ZNF804A: variants seen among roughly 807,000 people sequenced by gnomAD.
The protein encoded by ZNF804A is zinc finger protein 804A.
Under a neutral mutation model 16.5 loss-of-function variants are expected in ZNF804A, and 2 were observed. That is an observed-to-expected ratio of 0.12 (90% confidence interval 0.05 to 0.38). The LOEUF is 0.38. Among genes scored for constraint, ZNF804A ranks in the 10% least tolerant of loss-of-function variants. The probability of loss-of-function intolerance (pLI) is 0.99; values close to 1 mark genes in which losing one functional copy is unlikely to be tolerated. For missense variants in ZNF804A, 1,473 were observed against 1,390.7 expected (o/e 1.06, Z -0.94); for synonymous variants, 534 against 489.6 (o/e 1.09, Z -1.20).
chr2:184,719,696 G>T (rs1351583096), intron 1 of ZNF804A, among the ~76,000 whole-genome samples: 4 of 152,128 alleles, frequency 2.6e-5, no homozygotes, highest in African/African-American at 9.7e-5. Context: ...CTTTGCTCCA[G>T]TTCCCAACAA....
At chr2:184,895,191 T>TGCTC (rs2105824325) in intron 2 of ZNF804A, among the ~76,000 whole-genome samples, 1 of 152,034 alleles carries the variant, frequency 6.6e-6, no homozygotes, top group East Asian at 1.9e-4. Context: ...GGTCTTTTTA[T>TGCTC]GCTCGTGTGT....
chr2:184,629,935 C>A (rs1438425000), intron 1 of ZNF804A, among the ~76,000 whole-genome samples: 1 of 152,036 alleles, frequency 6.6e-6, no homozygotes, highest in Admixed American at 6.6e-5. Flanking sequence ...GAAAACAGAA[C>A]CACAAAATCA....
chr2:184,712,734 T>C (rs895047370), intron 1 of ZNF804A, among the ~76,000 whole-genome samples: 1 of 151,696 alleles, frequency 6.6e-6, no homozygotes, highest in Non-Finnish European at 1.5e-5. Flanking sequence ...TCTTTTTGTT[T>C]CTCTTATAAT....
At chr2:184,882,538 T>C (rs1439232411) in intron 2 of ZNF804A, among the ~76,000 whole-genome samples, 1 of 151,584 alleles carries the variant, frequency 6.6e-6, no homozygotes, top group African/African-American at 2.4e-5. Flanking sequence ...ATACTCACGA[T>C]CATATAAAAC....
intron 1 of ZNF804A, among the ~76,000 whole-genome samples, chr2:184,666,457 G>A (rs1692257248): frequency 6.6e-6 from 1 of 151,708 alleles, no homozygotes; most frequent in African/African-American, 2.4e-5. Flanking sequence ...AATACAGTAG[G>A]AATAACATAT....
intron 1 of ZNF804A, among the ~76,000 whole-genome samples, chr2:184,792,486 T>G (rs1694564562): frequency 5.9e-5 from 9 of 152,178 alleles, no homozygotes; most frequent in Admixed American, 5.2e-4. Context: ...GTTCAGATCT[T>G]TTGCCCATTT....
At chr2:184,860,602 A>G (rs1369099863) in intron 1 of ZNF804A, among the ~76,000 whole-genome samples, 1 of 152,344 alleles carries the variant, frequency 6.6e-6, no homozygotes, top group Non-Finnish European at 1.5e-5. Context: ...AGAAAGGCCC[A>G]GAAAGAGTCC....
intron 1 of ZNF804A, among the ~76,000 whole-genome samples, chr2:184,692,503 T>G (rs1180558974): frequency 6.6e-6 from 1 of 152,206 alleles, no homozygotes. Flanking sequence ...TTACTCCTAG[T>G]CAGCGATGCT....
At chr2:184,829,905 AAAAAAAAAAAAAAAAAACAAAAAC>A (rs1258653486) in intron 1 of ZNF804A, among the ~76,000 whole-genome samples, 48 of 105,254 alleles carry the variant, frequency 4.6e-4, no homozygotes, top group African/African-American at 1.8e-3. Context: ...CTACCAAAAA[AAAAAAAAAAAAAAAAAACAAAAAC>A]AAAAAAAAAA....
intron 1 of ZNF804A, among the ~76,000 whole-genome samples, chr2:184,766,813 G>T (rs1014329061): frequency 9.9e-5 from 15 of 152,088 alleles, no homozygotes; most frequent in Admixed American, 6.6e-4. Context: ...GAAGCAGCCT[G>T]CCTTGAGCTG....
intron 1 of ZNF804A, among the ~76,000 whole-genome samples, chr2:184,715,363 T>C (rs922130190): frequency 6.6e-6 from 1 of 152,126 alleles, no homozygotes; most frequent in Non-Finnish European, 1.5e-5. Context: ...TACCTTACTC[T>C]AAGAATAATA....
At chr2:184,886,025 C>A (rs1355150259) in intron 2 of ZNF804A, among the ~76,000 whole-genome samples, 1 of 152,144 alleles carries the variant, frequency 6.6e-6, no homozygotes, top group African/African-American at 2.4e-5. Context: ...CAGAAGTCCA[C>A]AGTCCAAAGT....
intron 1 of ZNF804A, among the ~76,000 whole-genome samples, chr2:184,831,552 C>T (rs1269300689): frequency 6.6e-6 from 1 of 151,908 alleles, no homozygotes; most frequent in Non-Finnish European, 1.5e-5. Context: ...CTTGAGAACA[C>T]CTTGGAAATT....
At chr2:184,845,320 C>T (rs1695495058) in intron 1 of ZNF804A, among the ~76,000 whole-genome samples, 2 of 152,052 alleles carry the variant, frequency 1.3e-5, no homozygotes, top group South Asian at 2.1e-4. Context: ...ATAAATAGAC[C>T]TTCAGTCTTT....
chr2:184,863,257 T>G (rs1695826743), intron 1 of ZNF804A, among the ~76,000 whole-genome samples: 1 of 152,140 alleles, frequency 6.6e-6, no homozygotes, highest in African/African-American at 2.4e-5. Flanking sequence ...ATCCTGGAGC[T>G]ACTTAACTTT....
intron 1 of ZNF804A, among the ~76,000 whole-genome samples, chr2:184,760,161 G>A (rs530311692): frequency 5.9e-5 from 9 of 152,080 alleles, no homozygotes; most frequent in South Asian, 2.1e-4. Flanking sequence ...CCATCTGGGC[G>A]TATACATGCA....
chr2:184,745,066 T>C (rs964182162), intron 1 of ZNF804A, among the ~76,000 whole-genome samples: 2 of 151,950 alleles, frequency 1.3e-5, no homozygotes, highest in African/African-American at 2.4e-5. Context: ...CTCTAAGGAT[T>C]GAGTTATTAT....
At chr2:184,775,992 A>G (rs1221267681) in intron 1 of ZNF804A, among the ~76,000 whole-genome samples, 1 of 151,604 alleles carries the variant, frequency 6.6e-6, no homozygotes, top group Non-Finnish European at 1.5e-5. Flanking sequence ...TAGTGTTTAT[A>G]AAACTGATAG....
chr2:184,651,313 A>G (rs1691979554), intron 1 of ZNF804A, among the ~76,000 whole-genome samples: 1 of 152,162 alleles, frequency 6.6e-6, no homozygotes. Context: ...AAAGATTTAA[A>G]TGTAAGACCT....
Sources: allele counts gnomAD v4.1 joint callset (sites outside exome capture counted in the v4.1 genomes callset), GRCh38; gene constraint gnomAD v4.1.1; transcripts MANE v1.5; gene names NCBI Gene and HGNC (gene_info 2026-07-23, HGNC 2026-07-21).